Variants in CACNA1C observed in about 807,000 individuals in gnomAD.
CACNA1C encodes the protein calcium voltage-gated channel subunit alpha1 C.
Under a neutral mutation model 229.0 loss-of-function variants are expected in CACNA1C, and 30 were observed. That is an observed-to-expected ratio of 0.13 (90% CI 0.10 to 0.18). The LOEUF (loss-of-function observed/expected upper bound fraction) is 0.18, where lower values mean the gene tolerates loss of function less well. CACNA1C is among the 10% of genes least tolerant of loss of function. The pLI, the probability that CACNA1C is intolerant of heterozygous loss-of-function variation, is 1.00. For synonymous variants in CACNA1C, 1,114 were observed against 1,132.5 expected (o/e 0.98, Z 0.33); for missense variants, 1,658 against 2,845.0 (o/e 0.58, Z 9.49).
At chr12:2,256,313 G>A (rs1040079782) in intron 3 of CACNA1C, among the ~76,000 whole-genome samples, 1 of 152,144 alleles carries the variant, frequency 6.6e-6, no homozygotes, top group Non-Finnish European at 1.5e-5. Context: ...CAGTCACCTT[G>A]GGCACATTGG....
intron 3 of CACNA1C, among the ~76,000 whole-genome samples, chr12:2,233,848 C>G (rs1471243895): frequency 1.3e-5 from 2 of 152,160 alleles, no homozygotes; most frequent in African/African-American, 4.8e-5. Context: ...AAAAGGATCC[C>G]TTCAGCAAAG....
intron 1 of CACNA1C, among the ~76,000 whole-genome samples, chr12:2,030,206 T>C (rs1031120905): frequency 1.9e-4 from 29 of 152,308 alleles, no homozygotes; most frequent in Admixed American, 9.8e-4. Flanking sequence ...ACATCTGAAC[T>C]GTAGAGGAGA....
At chr12:2,344,435 C>T (rs569195173) in intron 3 of CACNA1C, among the ~76,000 whole-genome samples, 1 of 152,126 alleles carries the variant, frequency 6.6e-6, no homozygotes, top group Non-Finnish European at 1.5e-5. Flanking sequence ...TAGTGCCCTC[C>T]TGTGAGTCTG....
At chr12:1,976,695 A>G (rs1047482496) in intron 1 of CACNA1C, among the ~76,000 whole-genome samples, 12 of 152,190 alleles carry the variant, frequency 7.9e-5, no homozygotes, top group African/African-American at 2.7e-4. Context: ...TTGACCCTAG[A>G]GAGCTTTAGG....
chr12:2,444,149 A>G (rs1187861277), intron 3 of CACNA1C, among the ~76,000 whole-genome samples: 1 of 152,148 alleles, frequency 6.6e-6, no homozygotes, highest in Non-Finnish European at 1.5e-5. Flanking sequence ...GTCTCTGGGG[A>G]TAAGTGGTAC....
At chr12:2,118,505 A>G (rs1011148095) in intron 2 of CACNA1C, among the ~76,000 whole-genome samples, 3 of 152,190 alleles carry the variant, frequency 2.0e-5, no homozygotes, top group African/African-American at 7.2e-5. Flanking sequence ...CTGAGCTTGG[A>G]TCCCATCCTA....
chr12:2,303,086 G>A (rs1009948885), intron 3 of CACNA1C, among the ~76,000 whole-genome samples: 2 of 152,252 alleles, frequency 1.3e-5, no homozygotes, highest in South Asian at 2.1e-4. Flanking sequence ...TTCCCTGGTC[G>A]GGACCATGTT....
intron 1 of CACNA1C, among the ~76,000 whole-genome samples, chr12:2,095,468 C>T (rs528479899): frequency 7.2e-5 from 11 of 152,350 alleles, no homozygotes; most frequent in African/African-American, 2.2e-4. Context: ...CTTCTGCTTT[C>T]GGGTTCTTAA....
intron 3 of CACNA1C, among the ~76,000 whole-genome samples, chr12:2,194,477 A>C (rs2097343680): frequency 6.8e-6 from 1 of 147,898 alleles, no homozygotes; most frequent in Non-Finnish European, 1.5e-5. Flanking sequence ...GCTGCTGGTG[A>C]GCTTTGTTTC....
rs542848896 is a variant in CACNA1C, at chr12:2,197,718, A to G, written c.477+77288A>G. Among the ~76,000 whole-genome samples the G allele has an allele frequency of 3.0e-4, 45 of 152,328 alleles. No individual in the cohort carries two copies. The South Asian group carries it at 8.9e-3, about 30-fold the overall frequency. ...GTGAGATTTTCTCACATTTAAGTCA[A>G]TGATTGAATAGAACCAAATTGGGGG... On this transcript the variant is annotated intron_variant, in intron 3 of 46. Coordinates refer to ENST00000399655, the MANE Select transcript of CACNA1C (RefSeq NM_000719.7).
In CACNA1C at chr12:2,487,835, G is replaced by A. The variant is rs546406317; in HGVS notation, c.916+1573G>A. Among the ~76,000 whole-genome samples, 4 of 152,180 alleles carry A rather than the reference G, an allele frequency of 2.6e-5. No individual in the cohort carries two copies. In the South Asian group the frequency reaches 8.3e-4, roughly 32 times the overall value. On this transcript the variant is annotated intron_variant, in intron 6 of 46. Coordinates refer to ENST00000399655, the MANE Select transcript of CACNA1C (RefSeq NM_000719.7). ...TAATTAAAATCCTTCCTTTTATTCAGGTTGATTTATAGCTAGCTCAGAACC... is the reference window on the plus strand; with the variant it reads ...TAATTAAAATCCTTCCTTTTATTCAAGTTGATTTATAGCTAGCTCAGAACC...
chr12:2,387,051 G>T (rs1283691785), intron 3 of CACNA1C, among the ~76,000 whole-genome samples: 2 of 152,178 alleles, frequency 1.3e-5, no homozygotes, highest in East Asian at 3.9e-4. Flanking sequence ...AGTTATTCCA[G>T]GTTTAGAATT....
chr12:2,500,046 T>C (rs1049395323), intron 7 of CACNA1C, among the ~76,000 whole-genome samples: 1 of 152,184 alleles, frequency 6.6e-6, no homozygotes, highest in African/African-American at 2.4e-5. Flanking sequence ...AATCACCTTC[T>C]GTGGCAGCCG....
intron 1 of CACNA1C, among the ~76,000 whole-genome samples, chr12:1,990,704 G>A (rs1419777123): frequency 1.3e-5 from 2 of 152,106 alleles, no homozygotes; most frequent in Non-Finnish European, 2.9e-5. Context: ...AATATCTTGA[G>A]GAAATAGTCT....
rs747957522 is a variant in CACNA1C, at chr12:2,677,166, G to A, written c.4901G>A (p.Arg1634His). Residue 1634 changes from arginine to histidine, a missense_variant, in exon 40 of 47, where the codon CGC (arginine) becomes CAC (histidine). Coordinates refer to ENST00000399655, the MANE Select transcript of CACNA1C (RefSeq NM_000719.7). This position sits in a 1 kb window ranked among gnomAD's most constrained non-coding sequence, Gnocchi z 7.4. ...GAGTACTTCCGGAAGTTCAAGAAGC[G>A]CAAAGAGCAGGGCCTTGTGGGCAAG... is the stretch of plus-strand genomic sequence containing the variant. ...IQEYFRKFKK[R>H]KEQGLVGKPS... The A allele has an allele frequency of 5.0e-6, 8 of 1,613,702 alleles. No homozygotes were observed. Among genetic ancestry groups the A allele is most frequent in the South Asian group, 1.1e-5 (1 of 90,960 alleles).
In CACNA1C at chr12:2,651,110, G is replaced by A. The variant is rs1391854287; in HGVS notation, c.3946-530G>A. On this transcript the variant is annotated intron_variant, in intron 31 of 46. Coordinates refer to ENST00000399655, the MANE Select transcript of CACNA1C (RefSeq NM_000719.7). The surrounding 1 kb of genome is among the most constrained non-coding windows in gnomAD (Gnocchi z 5.4). ...AGCTGGGGCATGAGGTCCTTCAGGGGGCAGCCCACCAGGACCCCCAAATCC... is the reference window on the plus strand; with the variant it reads ...AGCTGGGGCATGAGGTCCTTCAGGGAGCAGCCCACCAGGACCCCCAAATCC... The A allele has an allele frequency of 1.9e-5, 3 of 155,008 alleles. No individual in the cohort carries two copies. Among genetic ancestry groups the A allele is most frequent in the African/African-American group, 7.2e-5 (3 of 41,552 alleles). 9.6% of individuals were successfully genotyped at this position (155,008 alleles called of 1,614,324 possible). A position where few individuals can be genotyped will look rare whatever the true frequency, so the allele number is the denominator to read the frequency against.
rs541583563 is a variant in CACNA1C at position 2,346,996 on chromosome 12, A to G, written c.478-101980A>G. ...GGGCCACAGACCTTACAGGACTAAG[A>G]GGCCATCTGACCCCCTTTCAATGAG... is the stretch of plus-strand genomic sequence containing the variant. On this transcript the variant is annotated intron_variant, in intron 3 of 46. Transcript: ENST00000399655. The surrounding 1 kb of genome is among the most constrained non-coding windows in gnomAD (Gnocchi z 4.4). Among the ~76,000 whole-genome samples the G allele has an allele frequency of 1.3e-5, 2 of 152,312 alleles. No individual in the cohort carries two copies. The highest frequency in any genetic ancestry group is 3.9e-4 in the East Asian group (2 of 5,176).
chr12:2,440,465 C>A (rs965683496), intron 3 of CACNA1C, among the ~76,000 whole-genome samples: 1 of 152,148 alleles, frequency 6.6e-6, no homozygotes, highest in Admixed American at 6.6e-5. Flanking sequence ...TGTGTAGGCA[C>A]CACATTTTGT....
At chr12:2,518,060 T>C (rs1484246840) in intron 9 of CACNA1C, among the ~76,000 whole-genome samples, 1 of 152,132 alleles carries the variant, frequency 6.6e-6, no homozygotes, top group Non-Finnish European at 1.5e-5. Flanking sequence ...GGATTAAATA[T>C]TTACCCCATG....
Sources: gnomAD v4.1 joint callset for allele counts (sites outside exome capture counted in the v4.1 genomes callset) on GRCh38, gnomAD v4.1.1 for gene constraint, Gnocchi (gnomAD v3.1) non-coding constraint, MANE v1.5 for transcripts, NCBI Gene and HGNC (gene_info 2026-07-23, HGNC 2026-07-21) for gene names.